XPO4: variants seen among roughly 807,000 people sequenced by gnomAD.
XPO4 encodes exportin-4.
Under a neutral mutation model 143.0 loss-of-function variants are expected in XPO4, and 39 were observed. The ratio of observed to expected loss-of-function variants is 0.27; its 90% CI spans 0.21 to 0.36. The LOEUF is 0.36. Ranked by LOEUF, XPO4 falls within the 10% of genes least tolerant of loss-of-function variation. The pLI is 1.00. For synonymous variants in XPO4, 439 were observed against 474.0 expected (o/e 0.93, Z 0.96); for missense variants, 907 against 1,348.0 (o/e 0.67, Z 5.12).
chr13:20,874,390 C>T (rs561356823), intron 1 of XPO4, among the ~76,000 whole-genome samples: 115 of 152,266 alleles, frequency 7.6e-4, no homozygotes, highest in Non-Finnish European at 7.6e-4. Flanking sequence ...ACAGACGGTG[C>T]TATGATTCAA....
chr13:20,800,370 ACTC>A, intron 14 of XPO4, 45 bp from the exon 15 acceptor site: 1 of 1,555,396 alleles, frequency 6.4e-7, no homozygotes, highest in Admixed American at 2.0e-5. Context: ...AGAAAGATCA[ACTC>A]AAGAAAAAAA....
At chr13:20,869,403 C>T (rs2060273074) in intron 1 of XPO4, 2 of 494,158 alleles carry the variant, frequency 4.0e-6, no homozygotes, top group Non-Finnish European at 5.2e-6. Context: ...ACGTACATTC[C>T]TGTTACATGG....
In XPO4 at chr13:20,851,678, C is replaced by T. The variant is rs557662463; in HGVS notation, c.456+3949G>A. ...TAGGCCAAGACTACACCATTGCCCTCCAGCCGAGGCAACAGAGCAAGACCC... is the reference window on the plus strand; with the variant it reads ...TAGGCCAAGACTACACCATTGCCCTTCAGCCGAGGCAACAGAGCAAGACCC... On this transcript the variant is annotated intron_variant, in intron 4 of 22. Transcript: ENST00000255305. 140 of 821,736 alleles carry T rather than the reference C, an allele frequency of 1.7e-4. 1 individual carries two copies. In the African/African-American group the frequency reaches 2.6e-3, roughly 16 times the overall value. The allele number at this position is 821,736 out of a possible 1,614,324, so 50.9% of individuals were successfully genotyped here. A position where few individuals can be genotyped will look rare whatever the true frequency, so the allele number is the denominator to read the frequency against.
At chr13:20,813,682 G>T (rs1566577875) in intron 9 of XPO4, among the ~76,000 whole-genome samples, 1 of 152,160 alleles carries the variant, frequency 6.6e-6, no homozygotes, top group South Asian at 2.1e-4. Context: ...TCTCAGTCAG[G>T]CATGGTGGCT....
At chr13:20,885,358 C>T (rs2060452007) in intron 1 of XPO4, among the ~76,000 whole-genome samples, 1 of 151,606 alleles carries the variant, frequency 6.6e-6, no homozygotes, top group Non-Finnish European at 1.5e-5. Context: ...TTACTGTGGT[C>T]AATAAGATAT....
At position 20,782,849 on chromosome 13, in the gene XPO4, T is replaced by G. The variant is rs572840202; in HGVS notation, c.*873A>C. 2.6e-5 allele frequency: 4 copies of G among 152,766 alleles called. No individual in the cohort carries two copies. Among genetic ancestry groups the G allele is most frequent in the Non-Finnish European group, 1.5e-5 (1 of 68,026 alleles). 9.5% of individuals were successfully genotyped at this position (152,766 alleles called of 1,614,324 possible). ...AATTAAGGCAATGAAATGGCTACAGTTCCTAAGGTTATTTTTACGGAACAA... is the reference window on the plus strand; with the variant it reads ...AATTAAGGCAATGAAATGGCTACAGGTCCTAAGGTTATTTTTACGGAACAA... On this transcript the variant is annotated 3_prime_UTR_variant, in exon 23 of 23. Transcript: ENST00000255305.
chr13:20,809,979 G>C lies in XPO4; in HGVS notation c.1174-12C>G. The C allele has an allele frequency of 1.3e-6, 2 of 1,586,378 alleles. No homozygotes were observed. Among genetic ancestry groups the C allele is most frequent in the Non-Finnish European group, 1.7e-6 (2 of 1,166,826 alleles). ...TCATCTTTATCAAGCTAAAAGAAAAGAACACTCATAAAACAAATGTCCAGA... is the reference window on the plus strand; with the variant it reads ...TCATCTTTATCAAGCTAAAAGAAAACAACACTCATAAAACAAATGTCCAGA... On this transcript the variant is annotated splice_polypyrimidine_tract_variant and intron_variant, in intron 9 of 22. Coordinates refer to ENST00000255305, the MANE Select transcript of XPO4 (RefSeq NM_022459.5).
At chr13:20,833,162 G>A (rs2059873752) in intron 6 of XPO4, among the ~76,000 whole-genome samples, 1 of 152,074 alleles carries the variant, frequency 6.6e-6, no homozygotes, top group Admixed American at 6.6e-5. Flanking sequence ...TCCGAAAACT[G>A]AGCTAATACT....
intron 6 of XPO4, among the ~76,000 whole-genome samples, chr13:20,836,228 C>T (rs1048389469): frequency 7.2e-5 from 11 of 152,216 alleles, no homozygotes; most frequent in Non-Finnish European, 1.5e-4. Context: ...CACTGAGATA[C>T]GGCTTTTGCC....
At position 20,786,984 on chromosome 13, in the gene XPO4, G is replaced by A. The variant is rs193298874; in HGVS notation, c.3239C>T (p.Thr1080Met). ...CAGTACCTGGTGCAAACACACCAAC[G>A]TGTAGAAAGCTTCGCCAGCCGCAGT... is the stretch of plus-strand genomic sequence containing the variant. ...MTTAAGEAFY[T>M]LVCLHQAEYS... The change falls in exon 22 of 23, where the codon ACG (threonine) becomes ATG (methionine). Residue 1080 changes from threonine (T) to methionine (M), a missense_variant. Thr to Met is a moderately conservative substitution (Grantham distance 81, BLOSUM62 -1). Transcript: ENST00000255305. 7.4e-4 allele frequency: 1,156 copies of A among 1,558,902 alleles called. 5 individuals are homozygous for A. The highest frequency in any genetic ancestry group is 5.5e-4 in the Non-Finnish European group (627 of 1,149,818).
chr13:20,881,352 G>A (rs745317063), intron 1 of XPO4, among the ~76,000 whole-genome samples: 1 of 151,838 alleles, frequency 6.6e-6, no homozygotes, highest in South Asian at 2.1e-4. Flanking sequence ...CACTGCAAGC[G>A]CCACCTCCCG....
At chr13:20,829,600 A>G (rs754081348) in intron 6 of XPO4, among the ~76,000 whole-genome samples, 3 of 152,214 alleles carry the variant, frequency 2.0e-5, no homozygotes, top group Non-Finnish European at 2.9e-5. Context: ...CCTCCCTTCA[A>G]GAGCTGCAGA....
At position 20,790,578 on chromosome 13, in the gene XPO4, C is replaced by A; in HGVS notation, c.2800G>T (p.Glu934Ter). 1 of 1,612,538 alleles carries A rather than the reference C, an allele frequency of 6.2e-7. No homozygotes were observed. The highest frequency in any genetic ancestry group is 8.5e-7 in the Non-Finnish European group (1 of 1,178,694). ...CCTGGCTCATGTCCTCTAAACACTT[C>A]ATCTATTAAAATAAAAGGATGCAGG... Reference protein sequence around the residue: ...KEFIDFSDTDEVFRGHEPGQA... With the variant: ...KEFIDFSDTD The change falls in exon 19 of 23, where the codon GAA (glutamate) becomes TAA (stop). Residue 934 changes from glutamate to a stop codon, truncating the protein, a stop_gained and splice_region_variant. Transcript: ENST00000255305. LOFTEE classifies it high-confidence loss of function.
rs61954198 is a variant in XPO4, at chr13:20,874,066, G to T, written c.70-5365C>A. Among the ~76,000 whole-genome samples, 306 of 152,216 alleles carry T rather than the reference G, an allele frequency of 2.0e-3. 1 individual carries two copies. The highest frequency in any genetic ancestry group is 7.5e-3 in the South Asian group (36 of 4,822). On this transcript the variant is annotated intron_variant, in intron 1 of 22. Transcript: ENST00000255305. ...TATCATAACCAGAATTTGACCTTAG[G>T]TCTGCATGACATTAAAGCCCATGCT...
At chr13:20,859,767 C>A in intron 3 of XPO4, 1 of 732,886 alleles carries the variant, frequency 1.4e-6, no homozygotes, top group Non-Finnish European at 1.7e-6. Flanking sequence ...CAGAGCAAGG[C>A]TCTGTCTCAA....
intron 6 of XPO4, among the ~76,000 whole-genome samples, chr13:20,841,660 C>A (rs1272563841): frequency 6.6e-6 from 1 of 152,028 alleles, no homozygotes; most frequent in African/African-American, 2.4e-5. Flanking sequence ...CAGAGCCCTT[C>A]ACAGTTAATA....
rs572234794 is a variant in XPO4 at position 20,784,735 on chromosome 13, G to T, written c.3259-816C>A. ...AGGAGGGATGACTGTTTGAGCCCGG[G>T]AATTTGAGACCAGCCTGAGCAACAC... On this transcript the variant is annotated intron_variant, in intron 22 of 22. Transcript: ENST00000255305. Among the ~76,000 whole-genome samples, 5 of 152,232 alleles carry T rather than the reference G, an allele frequency of 3.3e-5. No homozygotes were observed. The East Asian group carries it at 9.7e-4, about 29-fold the overall frequency.
intron 3 of XPO4, 62 bp downstream of exon 3, chr13:20,862,655 C>A (rs2060212643): frequency 6.3e-7 from 1 of 1,593,188 alleles, no homozygotes. Context: ...ACAAAAAAAG[C>A]TCTAAAAAGA....
At chr13:20,797,137 C>T (rs2059368962) in intron 16 of XPO4, 80 bp from the exon 17 acceptor site, 2 of 1,347,416 alleles carry the variant, frequency 1.5e-6, no homozygotes, top group Non-Finnish European at 2.0e-6. Flanking sequence ...ATTCACTTTC[C>T]AAAACATTTC....
Sources: allele counts gnomAD v4.1 joint callset (sites outside exome capture counted in the v4.1 genomes callset), GRCh38; gene constraint gnomAD v4.1.1; transcripts MANE v1.5; gene names NCBI Gene and HGNC (gene_info 2026-07-23, HGNC 2026-07-21).